Variants in SUGCT observed in about 807,000 individuals in gnomAD.
SUGCT encodes succinyl-CoA:glutarate CoA-transferase.
Under a neutral mutation model 55.0 loss-of-function variants are expected in SUGCT, and 41 were observed. The observed-to-expected ratio is 0.74, with a 90% CI of 0.58 to 0.97. The LOEUF (loss-of-function observed/expected upper bound fraction) is 0.97, where lower values mean the gene tolerates loss of function less well. Ranked by LOEUF, SUGCT falls within the 50% of genes least tolerant of loss-of-function variation. The pLI is 0.00. For missense variants in SUGCT, 568 were observed against 547.8 expected, an observed-to-expected ratio of 1.04 and a Z score of -0.37; for synonymous variants, 187 against 200.4, an observed-to-expected ratio of 0.93 and a Z score of 0.56.
At chr7:40,151,938 C>T (rs184523578) in intron 1 of SUGCT, among the ~76,000 whole-genome samples, 3 of 151,954 alleles carry the variant, frequency 2.0e-5, no homozygotes, top group Admixed American at 6.6e-5. Flanking sequence ...ATGAAGTCAC[C>T]GGGGGTCAAA....
At chr7:40,168,420 C>T (rs1408917701) in intron 1 of SUGCT, among the ~76,000 whole-genome samples, 7 of 152,168 alleles carry the variant, frequency 4.6e-5, no homozygotes, top group Non-Finnish European at 7.4e-5. Flanking sequence ...TAGTCATGAA[C>T]TGCATCTGGG....
intron 13 of SUGCT, among the ~76,000 whole-genome samples, chr7:40,784,910 C>T (rs1168870391): frequency 6.6e-6 from 1 of 151,942 alleles, no homozygotes; most frequent in African/African-American, 2.4e-5. Flanking sequence ...TCTATAGGAG[C>T]CCATAAATGC....
At chr7:40,799,026 C>T (rs1280163155) in intron 13 of SUGCT, among the ~76,000 whole-genome samples, 2 of 152,162 alleles carry the variant, frequency 1.3e-5, no homozygotes, top group African/African-American at 2.4e-5. Flanking sequence ...GGGTGAATCA[C>T]TTTGCTCCGC....
intron 13 of SUGCT, among the ~76,000 whole-genome samples, chr7:40,813,939 C>A (rs917731245): frequency 6.6e-6 from 1 of 152,134 alleles, no homozygotes; most frequent in South Asian, 2.1e-4. Flanking sequence ...TTAGCATTTG[C>A]TTGCCCGGAA....
At chr7:40,700,858 AG>A (rs559936117) in intron 12 of SUGCT, among the ~76,000 whole-genome samples, 3 of 152,180 alleles carry the variant, frequency 2.0e-5, no homozygotes, top group Non-Finnish European at 4.4e-5. Context: ...AGAGGAGACT[AG>A]ATGCGACCCA....
At chr7:40,281,399 T>G (rs1413046287) in intron 8 of SUGCT, among the ~76,000 whole-genome samples, 1 of 152,208 alleles carries the variant, frequency 6.6e-6, no homozygotes, top group Non-Finnish European at 1.5e-5. Context: ...GGGAGTTTTG[T>G]TTTTTCTTCC....
intron 9 of SUGCT, among the ~76,000 whole-genome samples, chr7:40,336,886 A>G (rs1208632020): frequency 2.7e-5 from 4 of 150,202 alleles, no homozygotes; most frequent in African/African-American, 1.0e-4. Flanking sequence ...GTGGGCATTT[A>G]GTGCTATAAA....
intron 9 of SUGCT, among the ~76,000 whole-genome samples, chr7:40,424,310 G>C (rs1410160359): frequency 6.6e-6 from 1 of 152,152 alleles, no homozygotes; most frequent in Non-Finnish European, 1.5e-5. Context: ...CGCCTGGAAG[G>C]CCATTTCTTT....
At chr7:40,985,930 A>G in the SUGCT span, among the ~76,000 whole-genome samples, 9 of 152,354 alleles carry the variant, frequency 5.9e-5, no homozygotes, top group South Asian at 2.1e-4. Flanking sequence ...AATGAAAGCC[A>G]TGAGGCTTAG....
intron 8 of SUGCT, among the ~76,000 whole-genome samples, chr7:40,286,290 G>T (rs1793333351): frequency 6.6e-6 from 1 of 152,184 alleles, no homozygotes; most frequent in Non-Finnish European, 1.5e-5. Context: ...GGGTAGGAAA[G>T]ATTACTTTAA....
the SUGCT span, among the ~76,000 whole-genome samples, chr7:40,920,349 G>T: frequency 6.6e-6 from 1 of 152,148 alleles, no homozygotes; most frequent in East Asian, 1.9e-4. Context: ...CAGGACAAAT[G>T]ACAATTATGA....
chr7:40,341,478 C>T (rs1047698883), intron 9 of SUGCT, among the ~76,000 whole-genome samples: 1 of 152,132 alleles, frequency 6.6e-6, no homozygotes, highest in Non-Finnish European at 1.5e-5. Flanking sequence ...AGTGAGGTCC[C>T]TCTTGGGATT....
intron 12 of SUGCT, among the ~76,000 whole-genome samples, chr7:40,600,955 A>G (rs918646462): frequency 6.6e-6 from 1 of 152,214 alleles, no homozygotes; most frequent in African/African-American, 2.4e-5. Context: ...TTTTTGGTCA[A>G]AACATGAAAT....
intron 7 of SUGCT, among the ~76,000 whole-genome samples, chr7:40,240,022 A>T (rs1789271892): frequency 6.6e-6 from 1 of 152,216 alleles, no homozygotes; most frequent in Non-Finnish European, 1.5e-5. Context: ...AAGTAGGGAA[A>T]ACAAACATTA....
chr7:40,867,892 CTATAA>C, the SUGCT span, among the ~76,000 whole-genome samples: 1 of 152,174 alleles, frequency 6.6e-6, no homozygotes, highest in African/African-American at 2.4e-5. Context: ...TTCTATTAAA[CTATAA>C]TATAATTGTG....
intron 11 of SUGCT, among the ~76,000 whole-genome samples, chr7:40,484,367 CATTGGGTTG>C (rs1318466087): frequency 2.6e-5 from 4 of 152,044 alleles, no homozygotes; most frequent in African/African-American, 7.2e-5. Context: ...ATTTTGGAAC[CATTGGGTTG>C]ATCAGTGGTT....
At chr7:40,349,387 T>C (rs916467878) in intron 9 of SUGCT, among the ~76,000 whole-genome samples, 21 of 152,116 alleles carry the variant, frequency 1.4e-4, no homozygotes, top group African/African-American at 3.9e-4. Context: ...TTGGCTCTGT[T>C]GCCCAGGCTG....
At chr7:40,853,962 A>T (rs181141992) in intron 13 of SUGCT, among the ~76,000 whole-genome samples, 23 of 152,366 alleles carry the variant, frequency 1.5e-4, no homozygotes, top group African/African-American at 5.5e-4. Context: ...TAGGGGATAC[A>T]GGCATCTAAA....
intron 8 of SUGCT, among the ~76,000 whole-genome samples, chr7:40,278,774 C>T (rs1389931912): frequency 1.3e-5 from 2 of 151,754 alleles, no homozygotes; most frequent in Admixed American, 6.6e-5. Flanking sequence ...CCCTTTTATC[C>T]ATCCTTCCTT....
Sources: gnomAD v4.1 joint callset for allele counts (sites outside exome capture counted in the v4.1 genomes callset) on GRCh38, gnomAD v4.1.1 for gene constraint, MANE v1.5 for transcripts, NCBI Gene and HGNC (gene_info 2026-07-23, HGNC 2026-07-21) for gene names.